RARB: variants seen among roughly 807,000 people sequenced by gnomAD.
RARB encodes HBV-activated protein.
In RARB, 17 loss-of-function variants were observed where a neutral mutation model predicts 51.9. The observed-to-expected ratio is 0.33, with a 90% CI of 0.22 to 0.49. RARB has a LOEUF of 0.49. Ranked by LOEUF, RARB falls within the 20% of genes least tolerant of loss-of-function variation. The probability of loss-of-function intolerance (pLI) is 0.99; values close to 1 mark genes in which losing one functional copy is unlikely to be tolerated. For synonymous variants in RARB, 215 were observed against 195.4 expected (o/e 1.10, Z -0.84); for missense variants, 369 against 550.8 (o/e 0.67, Z 3.30).
At chr3:25,025,424 G>C (rs896197205) in intron 2 of RARB, among the ~76,000 whole-genome samples, 7 of 152,056 alleles carry the variant, frequency 4.6e-5, no homozygotes, top group African/African-American at 1.7e-4. Context: ...CCAAGCCCTG[G>C]GGGACCTACA....
At chr3:25,311,791 A>G (rs1280978033) in intron 5 of RARB, among the ~76,000 whole-genome samples, 1 of 152,190 alleles carries the variant, frequency 6.6e-6, no homozygotes, top group Admixed American at 6.5e-5. Context: ...CACATATGGT[A>G]CATAGACAGT....
chr3:24,986,555 A>G (rs1399123378), intron 2 of RARB, among the ~76,000 whole-genome samples: 1 of 152,240 alleles, frequency 6.6e-6, no homozygotes, highest in Non-Finnish European at 1.5e-5. Context: ...TATTAATAGT[A>G]GTTAATGTTG....
chr3:24,901,811 A>C (rs1343447533), intron 2 of RARB, among the ~76,000 whole-genome samples: 1 of 152,130 alleles, frequency 6.6e-6, no homozygotes, highest in African/African-American at 2.4e-5. Flanking sequence ...TAAGATGTAC[A>C]GCCATTAGGC....
rs556262205 is a variant in RARB at position 25,329,975 on chromosome 3, A to G, written c.179-131218A>G. On this transcript the variant is annotated intron_variant, in intron 5 of 11. Transcript: ENST00000383772. ...AGAGAAGTTTAGAGAAAAATTAATA[A>G]AAAGAAATGAACAAATCCTCCAAGA... 3.3e-5 allele frequency among the ~76,000 whole-genome samples: 5 copies of G among 152,328 alleles called. No individual in the cohort carries two copies. The East Asian group carries it at 7.7e-4, about 23-fold the overall frequency.
At chr3:24,926,925 T>A (rs959382347) in intron 2 of RARB, among the ~76,000 whole-genome samples, 3 of 152,136 alleles carry the variant, frequency 2.0e-5, no homozygotes, top group African/African-American at 7.2e-5. Context: ...CTAGTTTGAG[T>A]GTTTTCTTGT....
At chr3:25,442,583 T>A (rs1485727028) in intron 1 of RARB, among the ~76,000 whole-genome samples, 1 of 152,258 alleles carries the variant, frequency 6.6e-6, no homozygotes, top group African/African-American at 2.4e-5. Context: ...CTTCAGCCTT[T>A]ACTCTTCTCT....
intron 5 of RARB, among the ~76,000 whole-genome samples, chr3:25,293,002 G>A (rs767369150): frequency 6.6e-6 from 1 of 152,126 alleles, no homozygotes; most frequent in Non-Finnish European, 1.5e-5. Context: ...AGTAAAGGAG[G>A]TTGGTTTTGT....
intron 2 of RARB, among the ~76,000 whole-genome samples, chr3:24,963,213 C>T (rs533761532): frequency 1.8e-4 from 27 of 152,084 alleles, no homozygotes; most frequent in African/African-American, 6.5e-4. Context: ...CATGGTGAAT[C>T]TGTCCTTGGC....
At chr3:25,451,408 T>C (rs1709188241) in intron 1 of RARB, among the ~76,000 whole-genome samples, 1 of 152,210 alleles carries the variant, frequency 6.6e-6, no homozygotes, top group Non-Finnish European at 1.5e-5. Context: ...CTCCACACAA[T>C]TTTATGCAGG....
Position 24,972,004 on chromosome 3 carries a change from G to A in RARB, c.-379-88121G>A, listed in dbSNP as rs138263349. Among the ~76,000 whole-genome samples the A allele has an allele frequency of 3.9e-3, 569 of 147,596 alleles. 4 individuals are homozygous for A. Among genetic ancestry groups the A allele is most frequent in the African/African-American group, 0.014 (547 of 40,262 alleles). On this transcript the variant is annotated intron_variant, in intron 2 of 11. Coordinates refer to the RARB transcript ENST00000383772. The stretch of plus-strand genomic sequence containing the variant: ...TATTTATTTTTCTTTAGGAACATTC[G>A]AGTTATTCTCTTCTAGCTATTTTGA...
chr3:25,073,590 C>G (rs190253825), intron 3 of RARB, among the ~76,000 whole-genome samples: 1 of 152,212 alleles, frequency 6.6e-6, no homozygotes, highest in African/African-American at 2.4e-5. Context: ...TTCTCAAACT[C>G]ATCTGACCCT....
At position 25,383,756 on chromosome 3, in the gene RARB, C is replaced by T. The variant is rs752500442; in HGVS notation, c.179-77437C>T. 3.3e-5 allele frequency among the ~76,000 whole-genome samples: 5 copies of T among 152,048 alleles called. No individual in the cohort carries two copies. In the East Asian group the frequency reaches 5.8e-4, roughly 18 times the overall value. ...CAGTCTGGCCAACATGGTGAAACCC[C>T]GTCTCTATTTAAAAAATACAAAACT... On this transcript the variant is annotated intron_variant, in intron 5 of 11. Coordinates refer to the RARB transcript ENST00000383772.
chr3:25,168,386 G>A lies in RARB; in HGVS notation c.-279-5733G>A, dbSNP rs547632351. Among the ~76,000 whole-genome samples the A allele has an allele frequency of 4.1e-4, 62 of 151,900 alleles. No individual in the cohort carries two copies. The East Asian group carries it at 4.9e-3, about 12-fold the overall frequency. On this transcript the variant is annotated intron_variant, in intron 4 of 11. Coordinates refer to the RARB transcript ENST00000383772. Reference sequence around the variant, plus strand: ...ATTACAGGCAGGTGCCACCATGCCCGGCTAATTTTTTGCATTTTTAGTAGA... The same window carrying A: ...ATTACAGGCAGGTGCCACCATGCCCAGCTAATTTTTTGCATTTTTAGTAGA...
At chr3:25,359,825 C>T (rs1705872415) in intron 5 of RARB, among the ~76,000 whole-genome samples, 4 of 152,136 alleles carry the variant, frequency 2.6e-5, no homozygotes, top group Admixed American at 2.6e-4. Flanking sequence ...TGTGATTGTA[C>T]TGTGGTCTGA....
intron 2 of RARB, among the ~76,000 whole-genome samples, chr3:25,005,331 T>A (rs1697247615): frequency 6.6e-6 from 1 of 152,122 alleles, no homozygotes; most frequent in South Asian, 2.1e-4. Context: ...GGTCAAGAAT[T>A]TGGGAGTAGC....
chr3:25,300,189 T>A (rs962439488), intron 5 of RARB, among the ~76,000 whole-genome samples: 2 of 152,210 alleles, frequency 1.3e-5, no homozygotes, highest in African/African-American at 4.8e-5. Flanking sequence ...CACTGTCTTA[T>A]ATGACAAAAC....
chr3:25,043,955 T>C (rs1698163025), intron 2 of RARB, among the ~76,000 whole-genome samples: 1 of 152,086 alleles, frequency 6.6e-6, no homozygotes. Flanking sequence ...AGAAAGCATG[T>C]GTGTGTGGAT....
intron 1 of RARB, among the ~76,000 whole-genome samples, chr3:24,857,157 C>T (rs1302703712): frequency 6.6e-6 from 1 of 152,158 alleles, no homozygotes; most frequent in Non-Finnish European, 1.5e-5. Context: ...AGGATGTTGC[C>T]ATTTATACTG....
At position 24,863,047 on chromosome 3, in the gene RARB, A is replaced by G. The variant is rs559654098; in HGVS notation, c.-380+4295A>G. On this transcript the variant is annotated intron_variant, in intron 2 of 11. Coordinates refer to the RARB transcript ENST00000383772. ...AAGGCACAGAGGCAGAGATGGCCAG[A>G]AAGGAGAATAGCCCCATATTAACAC... Among the ~76,000 whole-genome samples the G allele has an allele frequency of 2.8e-4, 42 of 152,320 alleles. No individual in the cohort carries two copies. In the Middle Eastern group the frequency reaches 0.014, roughly 49 times the overall value.
Sources: allele counts gnomAD v4.1 joint callset (sites outside exome capture counted in the v4.1 genomes callset), GRCh38; gene constraint gnomAD v4.1.1; transcripts MANE v1.5; gene names NCBI Gene and HGNC (gene_info 2026-07-23, HGNC 2026-07-21).